SYT16: variants seen among roughly 807,000 people sequenced by gnomAD.
The protein encoded by SYT16 is synaptotagmin-16.
SYT16 carries 42 observed loss-of-function variants against 61.4 expected under a neutral mutation model. That is an observed-to-expected ratio of 0.68 (90% CI 0.53 to 0.89). SYT16 has a LOEUF of 0.89. SYT16 is among the 40% of genes least tolerant of loss of function. SYT16 has a pLI of 0.00. For missense variants in SYT16, 804 were observed against 807.3 expected (o/e 1.00, Z 0.05); for synonymous variants, 314 against 302.3 (o/e 1.04, Z -0.40).
intron 7 of SYT16, among the ~76,000 whole-genome samples, chr14:62,098,979 A>G (rs1359757173): frequency 6.6e-6 from 1 of 152,184 alleles, no homozygotes; most frequent in Non-Finnish European, 1.5e-5. Context: ...GGGAACATGT[A>G]CAGATGAGAC....
At chr14:61,831,191 C>A (rs1231805532) in intron 1 of SYT16, among the ~76,000 whole-genome samples, 1 of 152,170 alleles carries the variant, frequency 6.6e-6, no homozygotes, top group African/African-American at 2.4e-5. Context: ...GATCCTGCAG[C>A]AGTTATCCAG....
chr14:62,043,116 AC>A (rs2054806939), intron 3 of SYT16, among the ~76,000 whole-genome samples: 1 of 123,934 alleles, frequency 8.1e-6, no homozygotes, highest in Admixed American at 7.7e-5. Context: ...TTTTTTTTTT[AC>A]ATAGAAAGTT....
intron 1 of SYT16, among the ~76,000 whole-genome samples, chr14:61,850,739 T>C (rs1425723503): frequency 6.6e-6 from 1 of 152,202 alleles, no homozygotes; most frequent in South Asian, 2.1e-4. Flanking sequence ...ATTTGCCCTA[T>C]TATGTGTTGG....
At chr14:61,911,153 C>A (rs1055838569) in intron 1 of SYT16, among the ~76,000 whole-genome samples, 7 of 152,010 alleles carry the variant, frequency 4.6e-5, no homozygotes, top group African/African-American at 1.7e-4. Context: ...CTTTTTTATC[C>A]TATGGACAAG....
chr14:62,021,107 G>A (rs1018048155), intron 3 of SYT16, among the ~76,000 whole-genome samples: 1 of 152,078 alleles, frequency 6.6e-6, no homozygotes, highest in Non-Finnish European at 1.5e-5. Context: ...GTGATGTTCT[G>A]TAAATATTTT....
intron 3 of SYT16, among the ~76,000 whole-genome samples, chr14:62,017,571 G>A (rs1185468840): frequency 6.6e-6 from 1 of 151,980 alleles, no homozygotes; most frequent in Non-Finnish European, 1.5e-5. Context: ...TAAAAATCTT[G>A]GAGTTATTCA....
At position 61,935,937 on chromosome 14, in the gene SYT16, C is replaced by G. The variant is rs1222476203; in HGVS notation, c.-324-34195C>G. ...GAGTAAAGGGCGCAAGTATTCTGAC[C>G]CTTCAGCCAGGGTTTGTAAATGTTT... On this transcript the variant is annotated intron_variant, in intron 1 of 7. Transcript: ENST00000683842. 2.0e-5 allele frequency among the ~76,000 whole-genome samples: 3 copies of G among 151,916 alleles called. No homozygotes were observed. The East Asian group carries it at 5.8e-4, about 29-fold the overall frequency.
chr14:61,816,871 C>T lies in SYT16; in HGVS notation c.-325+4061C>T, dbSNP rs1356410100. Among the ~76,000 whole-genome samples, 6 of 151,474 alleles carry T rather than the reference C, an allele frequency of 4.0e-5. No individual in the cohort carries two copies. The East Asian group carries it at 5.9e-4, about 15-fold the overall frequency. ...CTAAAAATACAAAAAATTAGCCGGGCGTGGTGGCGGGCGCTTGTAGTCCCA... is the reference window on the plus strand; with the variant it reads ...CTAAAAATACAAAAAATTAGCCGGGTGTGGTGGCGGGCGCTTGTAGTCCCA... On this transcript the variant is annotated intron_variant, in intron 1 of 7. Transcript: ENST00000683842.
At chr14:62,038,988 C>T (rs949850750) in intron 3 of SYT16, among the ~76,000 whole-genome samples, 2 of 152,108 alleles carry the variant, frequency 1.3e-5, no homozygotes, top group African/African-American at 2.4e-5. Context: ...GATTATTATT[C>T]CCATTTATAT....
rs373835608 is a variant in SYT16 at position 61,915,038 on chromosome 14, C to T, written c.-324-55094C>T. On this transcript the variant is annotated intron_variant, in intron 1 of 7. Coordinates refer to ENST00000683842, the MANE Select transcript of SYT16 (RefSeq NM_001367656.1). ...TAATCACATAGTCTAGAACAATTGC[C>T]CCTATCACTCTCCATGCCTCAACCC... 4.6e-5 allele frequency among the ~76,000 whole-genome samples: 7 copies of T among 152,234 alleles called. No individual in the cohort carries two copies. The East Asian group carries it at 9.6e-4, about 21-fold the overall frequency.
chr14:61,995,773 C>T, intron 2 of SYT16, 103 bp from the exon 3 acceptor site: 1 of 378,722 alleles, frequency 2.6e-6, no homozygotes, highest in Non-Finnish European at 4.7e-6. Flanking sequence ...CCTGATGATC[C>T]CTTTTTGTGC....
At chr14:62,036,465 C>A (rs1218811503) in intron 3 of SYT16, among the ~76,000 whole-genome samples, 1 of 151,986 alleles carries the variant, frequency 6.6e-6, no homozygotes, top group Non-Finnish European at 1.5e-5. Context: ...GGAGTTGGAG[C>A]TGTGGGTTAA....
At chr14:61,911,100 A>C (rs1478644445) in intron 1 of SYT16, among the ~76,000 whole-genome samples, 1 of 152,174 alleles carries the variant, frequency 6.6e-6, no homozygotes, top group African/African-American at 2.4e-5. Flanking sequence ...TACACACTTG[A>C]ATTTTTATGA....
At chr14:61,856,762 T>G (rs191373350) in intron 1 of SYT16, among the ~76,000 whole-genome samples, 2 of 152,258 alleles carry the variant, frequency 1.3e-5, no homozygotes, top group East Asian at 3.9e-4. Context: ...GTCATCAGCA[T>G]TTGGGAGATG....
intron 1 of SYT16, among the ~76,000 whole-genome samples, chr14:61,904,642 T>C (rs181097102): frequency 2.0e-5 from 3 of 152,340 alleles, no homozygotes; most frequent in Non-Finnish European, 4.4e-5. Flanking sequence ...CTTTGAACAC[T>C]GACTTTCTAC....
chr14:62,021,353 G>T (rs1798478250), intron 3 of SYT16, among the ~76,000 whole-genome samples: 1 of 152,094 alleles, frequency 6.6e-6, no homozygotes, highest in African/African-American at 2.4e-5. Flanking sequence ...CATGGGTGTG[G>T]CCTTCTTATT....
chr14:61,928,248 G>C (rs1331577134), intron 1 of SYT16, among the ~76,000 whole-genome samples: 1 of 152,168 alleles, frequency 6.6e-6, no homozygotes, highest in Non-Finnish European at 1.5e-5. Context: ...ATGTTGACTG[G>C]AGCTGCAGTG....
intron 1 of SYT16, among the ~76,000 whole-genome samples, chr14:61,949,556 A>C (rs2050586365): frequency 6.6e-6 from 1 of 152,166 alleles, no homozygotes; most frequent in Admixed American, 6.5e-5. Flanking sequence ...CCTGGGCTCA[A>C]AGTGATTCTT....
intron 2 of SYT16, among the ~76,000 whole-genome samples, chr14:61,984,286 A>AG (rs1233805994): frequency 6.6e-6 from 1 of 152,162 alleles, no homozygotes; most frequent in Non-Finnish European, 1.5e-5. Flanking sequence ...TTGTGGTTGA[A>AG]GACCTAACTG....
Sources: allele counts gnomAD v4.1 joint callset (sites outside exome capture counted in the v4.1 genomes callset), GRCh38; gene constraint gnomAD v4.1.1; transcripts MANE v1.5; gene names NCBI Gene and HGNC (gene_info 2026-07-23, HGNC 2026-07-21).